Variants in DMC1 observed in about 807,000 individuals in gnomAD.
DMC1 encodes the protein DNA meiotic recombinase 1.
A neutral mutation model predicts 50.1 loss-of-function variants in DMC1; 27 were observed. The ratio of observed to expected loss-of-function variants is 0.54; its 90% CI spans 0.40 to 0.74. DMC1 has a LOEUF of 0.74. Among genes scored for constraint, DMC1 ranks in the 30% least tolerant of loss-of-function variants. DMC1 has a pLI of 0.00. For synonymous variants in DMC1, 148 were observed against 136.1 expected (o/e 1.09, Z -0.61); for missense variants, 295 against 420.2 (o/e 0.70, Z 2.60).
intron 3 of DMC1, 117 bp from the exon 4 acceptor site, chr22:38,566,853 G>T: frequency 9.4e-7 from 1 of 1,059,868 alleles, no homozygotes; most frequent in Non-Finnish European, 1.4e-6. Context: ...TTTTATACAA[G>T]CTGCCAGGTG....
chr22:38,545,420 AC>A (rs1287549375), intron 8 of DMC1, among the ~76,000 whole-genome samples: 5 of 151,932 alleles, frequency 3.3e-5, no homozygotes, highest in Non-Finnish European at 5.9e-5. Context: ...CAAAAACAAA[AC>A]AAAACAATTT....
intron 5 of DMC1, among the ~76,000 whole-genome samples, chr22:38,559,379 G>A (rs1173729056): frequency 6.6e-6 from 1 of 151,824 alleles, no homozygotes; most frequent in East Asian, 1.9e-4. Flanking sequence ...ATGTTGGCCA[G>A]GCTGGTCTAG....
intron 7 of DMC1, among the ~76,000 whole-genome samples, chr22:38,550,235 A>G (rs1025142390): frequency 2.0e-5 from 3 of 152,170 alleles, no homozygotes; most frequent in Admixed American, 1.3e-4. Flanking sequence ...TCACAATGGA[A>G]GATATTCGTG....
At position 38,521,586 on chromosome 22, in the gene DMC1, CACAAAAT is replaced by C; in HGVS notation, c.953+15_953+21del. On this transcript the variant is annotated intron_variant, in intron 13 of 13. Transcript: ENST00000216024. ...ACACACACACACACACACACACACA[CACAAAAT>C]AAAAAAAAATTTACCTGTCATAAAT... 7.8e-7 allele frequency: 1 copy of C among 1,278,100 alleles called. No individual in the cohort carries two copies. The highest frequency in any genetic ancestry group is 1.1e-6 in the Non-Finnish European group (1 of 893,254). 79.2% of individuals were successfully genotyped at this position (1,278,100 alleles called of 1,614,324 possible).
rs188502313 is a variant in DMC1, at chr22:38,551,924, G to A, written c.421+742C>T. 4.1e-5 allele frequency among the ~76,000 whole-genome samples: 6 copies of A among 144,804 alleles called. No homozygotes were observed. The East Asian group carries it at 1.2e-3, about 30-fold the overall frequency. 95.0% of individuals were successfully genotyped at this position (144,804 alleles called of 152,430 possible). ...TGCCCAGGCTGGAGTGCAGTGGCGC[G>A]ATATCGGCTCACTGCAAGCTCCGCC... On this transcript the variant is annotated intron_variant, in intron 7 of 13. Coordinates refer to ENST00000216024, the MANE Select transcript of DMC1 (RefSeq NM_007068.4).
intron 8 of DMC1, among the ~76,000 whole-genome samples, chr22:38,547,910 C>T (rs538317040): frequency 2.6e-4 from 39 of 152,264 alleles, no homozygotes; most frequent in Non-Finnish European, 4.9e-4. Flanking sequence ...CTTCTATCAC[C>T]TCACCCTATG....
At position 38,562,315 on chromosome 22, in the gene DMC1, G is replaced by A; in HGVS notation, c.298C>T (p.His100Tyr). 1 of 1,612,386 alleles carries A rather than the reference G, an allele frequency of 6.2e-7. No individual in the cohort carries two copies. Among genetic ancestry groups the A allele is most frequent in the Non-Finnish European group, 8.5e-7 (1 of 1,178,796 alleles). Residue 100 changes from histidine to tyrosine, a missense_variant, in exon 5 of 14, where the codon CAT becomes TAT. Transcript: ENST00000216024. ...EYSEKRKMVF[H>Y]ITTGSQEFDK... Reference sequence around the variant, plus strand: ...AATTCCTGGCTCCCGGTGGTGATATGGAAAACCATTTTCCTCTTTTCACTA... The same window carrying A: ...AATTCCTGGCTCCCGGTGGTGATATAGAAAACCATTTTCCTCTTTTCACTA...
chr22:38,512,219 C>A, the DMC1 span, among the ~76,000 whole-genome samples: 1 of 152,172 alleles, frequency 6.6e-6, no homozygotes, highest in African/African-American at 2.4e-5. Flanking sequence ...AAGTGATCCA[C>A]CTGCCTCAAC....
In DMC1 at chr22:38,562,303, C is replaced by T. The variant is rs765593437; in HGVS notation, c.310G>A (p.Gly104Arg). ...GATACATACTCAAATTCCTGGCTCC[C>T]GGTGGTGATATGGAAAACCATTTTC... ...KRKMVFHITT[G>R]SQEFDKLLGG... is the part of the protein sequence containing the mutation. The change falls in exon 5 of 14, where the codon GGG becomes AGG. Residue 104 changes from glycine to arginine, a missense_variant. Transcript: ENST00000216024. The T allele has an allele frequency of 1.2e-5, 20 of 1,609,870 alleles. No individual in the cohort carries two copies. The highest frequency in any genetic ancestry group is 1.7e-4 in the Middle Eastern group (1 of 6,042).
chr22:38,532,963 ATAG>A (rs958200056), intron 12 of DMC1, among the ~76,000 whole-genome samples: 1 of 152,160 alleles, frequency 6.6e-6, no homozygotes, highest in African/African-American at 2.4e-5. Context: ...ATATTGTTAC[ATAG>A]TAGATTTTCA....
At chr22:38,556,333 A>ATCTAAT in intron 5 of DMC1, among the ~76,000 whole-genome samples, 1 of 152,150 alleles carries the variant, frequency 6.6e-6, no homozygotes, top group Middle Eastern at 3.4e-3. Context: ...GGCTCAAGAG[A>ATCTAAT]TCTGCCCACC....
chr22:38,540,954 A>G (rs1005115345), intron 8 of DMC1, among the ~76,000 whole-genome samples: 3 of 152,206 alleles, frequency 2.0e-5, no homozygotes, highest in African/African-American at 7.2e-5. Context: ...CAAAGGCTGG[A>G]ATGTAACAAA....
chr22:38,566,134 CGTGGTGCTGT>C (rs1481995818), intron 4 of DMC1, among the ~76,000 whole-genome samples: 3 of 151,904 alleles, frequency 2.0e-5, no homozygotes, highest in Non-Finnish European at 4.4e-5. Context: ...ATTAGCTGGG[CGTGGTGCTGT>C]GTGCCTGTAG....
downstream of DMC1, among the ~76,000 whole-genome samples, chr22:38,515,608 G>T (rs1241956108): frequency 6.6e-6 from 1 of 152,058 alleles, no homozygotes; most frequent in Non-Finnish European, 1.5e-5. Context: ...AGACCATCCT[G>T]GCCAACATGG....
At chr22:38,563,431 T>C (rs1373248419) in intron 4 of DMC1, among the ~76,000 whole-genome samples, 3 of 152,328 alleles carry the variant, frequency 2.0e-5, no homozygotes, top group South Asian at 2.1e-4. Context: ...GCTTCTGTTT[T>C]CTTTATTAGC....
chr22:38,542,996 T>G (rs527324152), intron 8 of DMC1, among the ~76,000 whole-genome samples: 1 of 152,120 alleles, frequency 6.6e-6, no homozygotes, highest in East Asian at 1.9e-4. Context: ...AAATGGGATA[T>G]CCATAAGCAG....
chr22:38,512,535 C>T, the DMC1 span, among the ~76,000 whole-genome samples: 3 of 152,152 alleles, frequency 2.0e-5, no homozygotes, highest in African/African-American at 7.2e-5. Context: ...CCCTTATATT[C>T]AGTCAAGTAA....
intron 2 of DMC1, 25 bp downstream of exon 2, chr22:38,568,181 A>G (rs775812977): frequency 1.6e-5 from 26 of 1,608,976 alleles, no homozygotes; most frequent in Admixed American, 5.0e-5. Flanking sequence ...GAATGTCTAT[A>G]TATCTTTCAA....
At chr22:38,568,591 A>G in intron 1 of DMC1, among the ~76,000 whole-genome samples, 1 of 152,192 alleles carries the variant, frequency 6.6e-6, no homozygotes, top group East Asian at 1.9e-4. Flanking sequence ...TCCATTGCAC[A>G]GCTAATCATG....
Sources: gnomAD v4.1 joint callset for allele counts (sites outside exome capture counted in the v4.1 genomes callset) on GRCh38, gnomAD v4.1.1 for gene constraint, MANE v1.5 for transcripts, NCBI Gene and HGNC (gene_info 2026-07-23, HGNC 2026-07-21) for gene names.